JARID2: variants seen among roughly 807,000 people sequenced by gnomAD.
JARID2 encodes the protein protein Jumonji.
Under a neutral mutation model 125.6 loss-of-function variants are expected in JARID2, and 21 were observed. The ratio of observed to expected loss-of-function variants is 0.17; its 90% CI spans 0.12 to 0.24. The LOEUF (loss-of-function observed/expected upper bound fraction) is 0.24, where lower values mean the gene tolerates loss of function less well. Ranked by LOEUF, JARID2 falls within the 10% of genes least tolerant of loss-of-function variation. The pLI, the probability that JARID2 is intolerant of heterozygous loss-of-function variation, is 1.00. For synonymous variants in JARID2, 736 were observed against 661.6 expected, an observed-to-expected ratio of 1.11 and a Z score of -1.73; for missense variants, 1,303 against 1,639.6, an observed-to-expected ratio of 0.79 and a Z score of 3.55.
Position 15,496,413 on chromosome 6 carries a change from G to A in JARID2, c.1188G>A (p.Ala396=), listed in dbSNP as rs149943687. ...TRKQVLSLGG[A]SKSTGPAVNG... is the part of the protein sequence containing the mutation. ...AACAGGTGCTATCCCTCGGGGGGGC[G>A]TCCAAGTCCACTGGGCCCGCCGTCA... The change falls in exon 7 of 18, where the codon GCG becomes GCA. Residue 396 remains alanine, a synonymous_variant. Coordinates refer to ENST00000341776, the MANE Select transcript of JARID2 (RefSeq NM_004973.4). The A allele has an allele frequency of 2.4e-5, 39 of 1,613,632 alleles. No homozygotes were observed. The highest frequency in any genetic ancestry group is 1.6e-4 in the Middle Eastern group (1 of 6,082).
rs532748447 is a variant in JARID2, at chr6:15,470,370, G to T, written c.670+1652G>T. 3.9e-3 allele frequency among the ~76,000 whole-genome samples: 590 copies of T among 152,292 alleles called. 4 individuals are homozygous for T. The highest frequency in any genetic ancestry group is 0.02 in the Middle Eastern group (6 of 294). ...AAATCAGTGCTGTCTGTAAGTGATT[G>T]AGGCAAAGGAGAGCTGCTCATTTTT... On this transcript the variant is annotated intron_variant, in intron 5 of 17. Coordinates refer to ENST00000341776, the MANE Select transcript of JARID2 (RefSeq NM_004973.4).
At chr6:15,420,081 C>G (rs1266904865) in intron 3 of JARID2, among the ~76,000 whole-genome samples, 4 of 152,150 alleles carry the variant, frequency 2.6e-5, no homozygotes, top group African/African-American at 7.2e-5. Flanking sequence ...GCTGGTAAGA[C>G]TATTGAATAT....
At chr6:15,336,790 C>T (rs1445566593) in intron 1 of JARID2, among the ~76,000 whole-genome samples, 2 of 151,966 alleles carry the variant, frequency 1.3e-5, no homozygotes, top group Non-Finnish European at 2.9e-5. Flanking sequence ...TCAAGTGATC[C>T]TCCCACCTTG....
At chr6:15,325,056 TTAA>T (rs1762493451) in intron 1 of JARID2, among the ~76,000 whole-genome samples, 1 of 152,130 alleles carries the variant, frequency 6.6e-6, no homozygotes, top group Admixed American at 6.5e-5. Context: ...TTTTTTTTCT[TTAA>T]TGAGGACCAT....
chr6:15,404,797 CA>C (rs1169417422), intron 2 of JARID2, among the ~76,000 whole-genome samples: 1 of 152,226 alleles, frequency 6.6e-6, no homozygotes, highest in Non-Finnish European at 1.5e-5. Context: ...GGAACAGCCT[CA>C]AAGCCCTCCT....
intron 3 of JARID2, among the ~76,000 whole-genome samples, chr6:15,410,714 C>T (rs1369398878): frequency 6.6e-6 from 1 of 152,158 alleles, no homozygotes; most frequent in Admixed American, 6.5e-5. Flanking sequence ...TTTGCCATTT[C>T]TGAAAAGAGA....
chr6:15,270,460 A>G (rs963528752), intron 1 of JARID2, among the ~76,000 whole-genome samples: 4 of 152,082 alleles, frequency 2.6e-5, no homozygotes, highest in African/African-American at 4.8e-5. Flanking sequence ...GTCTTCATGT[A>G]TTTGATCCTA....
At chr6:15,365,341 TC>T (rs759842702) in intron 1 of JARID2, among the ~76,000 whole-genome samples, 1 of 152,302 alleles carries the variant, frequency 6.6e-6, no homozygotes, top group Non-Finnish European at 1.5e-5. Context: ...AACCGTCAGA[TC>T]CAGCACTGCA....
At chr6:15,301,367 T>A (rs916775703) in intron 1 of JARID2, among the ~76,000 whole-genome samples, 2 of 152,244 alleles carry the variant, frequency 1.3e-5, no homozygotes, top group African/African-American at 4.8e-5. Context: ...TCTATACATT[T>A]TGGCTTGAAA....
chr6:15,278,659 C>T (rs1435172112), intron 1 of JARID2, among the ~76,000 whole-genome samples: 4 of 152,162 alleles, frequency 2.6e-5, no homozygotes, highest in African/African-American at 4.8e-5. Context: ...GTGTAGCTGG[C>T]TGGTACAGCT....
intron 7 of JARID2, among the ~76,000 whole-genome samples, chr6:15,498,134 T>C (rs1033219495): frequency 1.3e-5 from 2 of 152,184 alleles, no homozygotes; most frequent in African/African-American, 4.8e-5. Flanking sequence ...CCCTCTAGGG[T>C]CCTGTAGGCC....
intron 1 of JARID2, among the ~76,000 whole-genome samples, chr6:15,319,843 T>G (rs1762295585): frequency 1.3e-5 from 2 of 152,212 alleles, no homozygotes; most frequent in South Asian, 2.1e-4. Context: ...GGGTACTTCT[T>G]AAACAAATTA....
chr6:15,247,915 T>G (rs1581316949), intron 1 of JARID2: 2 of 985,478 alleles, frequency 2.0e-6, no homozygotes, highest in Non-Finnish European at 2.4e-6. Flanking sequence ...GAAACTGCAC[T>G]GAGGCAACCT....
intron 1 of JARID2, among the ~76,000 whole-genome samples, chr6:15,279,592 CATT>C (rs1336586729): frequency 2.0e-5 from 3 of 152,202 alleles, no homozygotes; most frequent in Non-Finnish European, 2.9e-5. Context: ...ACACCACTTG[CATT>C]AAAATCTTAC....
intron 1 of JARID2, among the ~76,000 whole-genome samples, chr6:15,285,127 T>G (rs1376057689): frequency 1.8e-4 from 25 of 142,186 alleles, no homozygotes; most frequent in Admixed American, 1.5e-3. Context: ...TTTTTTTTTT[T>G]GAAAGGAAGT....
intron 5 of JARID2, among the ~76,000 whole-genome samples, chr6:15,475,110 A>G (rs1435319745): frequency 6.6e-6 from 1 of 152,202 alleles, no homozygotes; most frequent in Admixed American, 6.5e-5. Flanking sequence ...GCAAAATTTC[A>G]CTGAGGTCCA....
At chr6:15,461,678 T>C (rs952893487) in intron 4 of JARID2, among the ~76,000 whole-genome samples, 5 of 152,196 alleles carry the variant, frequency 3.3e-5, no homozygotes, top group Admixed American at 2.0e-4. Flanking sequence ...ATTTTATACC[T>C]ATGAGCATAA....
intron 1 of JARID2, among the ~76,000 whole-genome samples, chr6:15,292,144 G>C (rs1751562972): frequency 6.6e-6 from 1 of 151,794 alleles, no homozygotes; most frequent in African/African-American, 2.4e-5. Context: ...AGCCTCCCGA[G>C]TAGCTGGGAC....
At chr6:15,310,382 C>G (rs1761973731) in intron 1 of JARID2, among the ~76,000 whole-genome samples, 1 of 152,156 alleles carries the variant, frequency 6.6e-6, no homozygotes, top group Non-Finnish European at 1.5e-5. Context: ...TCTGTTGAAC[C>G]TACCCTTTGT....
Sources: gnomAD v4.1 joint callset for allele counts (sites outside exome capture counted in the v4.1 genomes callset) on GRCh38, gnomAD v4.1.1 for gene constraint, MANE v1.5 for transcripts, NCBI Gene and HGNC (gene_info 2026-07-23, HGNC 2026-07-21) for gene names.